Variants in DACH2 observed in about 807,000 individuals in gnomAD.
DACH2 encodes dachshund family transcription factor 2.
DACH2 carries 17 observed loss-of-function variants against 35.8 expected under a neutral mutation model. That is an observed-to-expected ratio of 0.48 (90% CI 0.33 to 0.71). The LOEUF (loss-of-function observed/expected upper bound fraction) is 0.71. Among genes scored for constraint, DACH2 ranks in the 30% least tolerant of loss-of-function variants. DACH2 has a pLI of 0.02. For missense variants in DACH2, 469 were observed against 472.7 expected (o/e 0.99, Z 0.07); for synonymous variants, 195 against 177.3 (o/e 1.10, Z -0.79).
At chrX:86,480,128 T>C (rs768849263) in intron 2 of DACH2, among the ~76,000 whole-genome samples, 2 of 112,078 alleles carry the variant, frequency 1.8e-5, no homozygotes, top group Non-Finnish European at 3.8e-5. Context: ...AGGGAAGGTT[T>C]TTCATGTATT....
At chrX:86,832,014 T>C in intron 11 of DACH2, 92 bp from the exon 12 acceptor site, 1 of 574,217 alleles carries the variant, frequency 1.7e-6, no homozygotes, top group Non-Finnish European at 2.8e-6. Flanking sequence ...CATCAGATCA[T>C]TTTAGGTTCC....
At chrX:86,770,830 T>A (rs2041981457) in intron 7 of DACH2, among the ~76,000 whole-genome samples, 1 of 112,445 alleles carries the variant, frequency 8.9e-6, no homozygotes, top group Non-Finnish European at 1.9e-5. Flanking sequence ...TGGTAACACC[T>A]AATACAGTGT....
At chrX:86,555,419 A>G (rs960816644) in intron 3 of DACH2, among the ~76,000 whole-genome samples, 1 of 111,553 alleles carries the variant, frequency 9.0e-6, no homozygotes, top group Non-Finnish European at 1.9e-5. Flanking sequence ...GTACGCTATC[A>G]GATGTGCAGG....
At chrX:86,283,909 CAT>C (rs201376953) in intron 1 of DACH2, among the ~76,000 whole-genome samples, 1,672 of 109,016 alleles carry the variant, frequency 0.015, 42 homozygotes, top group African/African-American at 0.053. Context: ...CACACACACA[CAT>C]ATATATATAT....
rs780276028 is a variant in DACH2 at position 86,306,908 on chromosome X, T to C, written c.489-69916T>C. On this transcript the variant is annotated intron_variant, in intron 1 of 11. Coordinates refer to ENST00000373125, the MANE Select transcript of DACH2 (RefSeq NM_053281.3). ...TGAAGTTTTTCCCTTGGTTTTGGGG[T>C]TTCTGAAGTTGGCTGCTTAATATGA... Among the ~76,000 whole-genome samples, 121 of 111,553 alleles carry C rather than the reference T, an allele frequency of 1.1e-3. 1 individual carries two copies. Among genetic ancestry groups the C allele is most frequent in the Non-Finnish European group, 1.9e-3 (99 of 53,159 alleles).
intron 1 of DACH2, among the ~76,000 whole-genome samples, chrX:86,274,640 G>A (rs1465227513): frequency 9.3e-6 from 1 of 107,642 alleles, no homozygotes; most frequent in African/African-American, 3.4e-5. Context: ...GACTACAGGT[G>A]CCTGCCACCA....
intron 1 of DACH2, among the ~76,000 whole-genome samples, chrX:86,283,725 G>T (rs1466175259): frequency 9.3e-6 from 1 of 107,636 alleles, no homozygotes; most frequent in Non-Finnish European, 1.9e-5. Flanking sequence ...GGGGCCTGTT[G>T]GGGGTGGGGG....
intron 1 of DACH2, among the ~76,000 whole-genome samples, chrX:86,319,730 C>A (rs1206976186): frequency 8.9e-6 from 1 of 111,988 alleles, no homozygotes; most frequent in Non-Finnish European, 1.9e-5. Context: ...ATTAAAGTTC[C>A]GTGAACTGAA....
intron 1 of DACH2, chrX:86,345,506 G>A: frequency 1.3e-5 from 3 of 223,685 alleles, no homozygotes; most frequent in Non-Finnish European, 2.5e-5. Context: ...AAGGAATAAA[G>A]GAAAGAAGCA....
intron 2 of DACH2, among the ~76,000 whole-genome samples, chrX:86,446,200 T>A (rs1218169433): frequency 9.0e-6 from 1 of 110,915 alleles, no homozygotes; most frequent in African/African-American, 3.3e-5. Context: ...GTGTGGAATG[T>A]CTTTTTTTAT....
intron 5 of DACH2, among the ~76,000 whole-genome samples, chrX:86,698,521 G>GTGTTTTTTTTTT (rs2041096546): frequency 6.1e-5 from 2 of 32,957 alleles, no homozygotes; most frequent in African/African-American, 2.9e-4. Flanking sequence ...TTAGTTTTGT[G>GTGTTTTTTTTTT]TTTTTTTTTT....
chrX:86,433,464 A>G (rs762278487), intron 2 of DACH2, among the ~76,000 whole-genome samples: 6 of 112,034 alleles, frequency 5.4e-5, no homozygotes, highest in Non-Finnish European at 1.1e-4. Flanking sequence ...AAGAAAGGTA[A>G]TCCTCAATAA....
At chrX:86,345,812 A>G (rs1262967927) in intron 1 of DACH2, among the ~76,000 whole-genome samples, 2 of 111,722 alleles carry the variant, frequency 1.8e-5, no homozygotes, top group African/African-American at 3.3e-5. Context: ...ATTTTAGTTT[A>G]CAGTTTTGCT....
At chrX:86,297,084 A>G (rs958880444) in intron 1 of DACH2, among the ~76,000 whole-genome samples, 12 of 104,198 alleles carry the variant, frequency 1.2e-4, no homozygotes, top group African/African-American at 1.8e-4. Context: ...TAGAGCACTT[A>G]ACACAATGAA....
At chrX:86,180,139 C>A (rs2031429735) in intron 1 of DACH2, among the ~76,000 whole-genome samples, 1 of 85,985 alleles carries the variant, frequency 1.2e-5, no homozygotes, top group African/African-American at 4.4e-5. Flanking sequence ...TAATGATAAA[C>A]AATACTATTA....
intron 1 of DACH2, among the ~76,000 whole-genome samples, chrX:86,320,762 A>G (rs1170897155): frequency 2.7e-5 from 3 of 111,619 alleles, no homozygotes; most frequent in Non-Finnish European, 5.6e-5. Flanking sequence ...CATAGTTAAA[A>G]CTTCCAGGGC....
chrX:86,635,567 A>C (rs991204791), intron 3 of DACH2, among the ~76,000 whole-genome samples: 3 of 111,367 alleles, frequency 2.7e-5, no homozygotes, highest in Non-Finnish European at 5.7e-5. Flanking sequence ...CTGCATGCCA[A>C]TAGAAAGAGA....
intron 3 of DACH2, among the ~76,000 whole-genome samples, chrX:86,531,281 A>G (rs1243558318): frequency 1.8e-5 from 2 of 112,051 alleles, no homozygotes; most frequent in Non-Finnish European, 3.8e-5. Flanking sequence ...AAGGAGCCCA[A>G]TGTTAATAGC....
chrX:86,230,497 T>A (rs939368783), intron 1 of DACH2, among the ~76,000 whole-genome samples: 2 of 111,577 alleles, frequency 1.8e-5, no homozygotes, highest in African/African-American at 6.5e-5. Context: ...GATGCTGGCT[T>A]CGTAGAATGA....
Sources: gnomAD v4.1 joint callset for allele counts (sites outside exome capture counted in the v4.1 genomes callset) on GRCh38, gnomAD v4.1.1 for gene constraint, MANE v1.5 for transcripts, NCBI Gene and HGNC (gene_info 2026-07-23, HGNC 2026-07-21) for gene names.